The following MAP3K5 variants were observed in gnomAD, a reference collection of about 807,000 sequenced individuals.
The protein encoded by MAP3K5 is ASK-1.
A neutral mutation model predicts 158.7 loss-of-function variants in MAP3K5; 56 were observed. The ratio of observed to expected loss-of-function variants is 0.35; its 90% CI spans 0.28 to 0.44. The LOEUF (loss-of-function observed/expected upper bound fraction) is 0.44, where lower values mean the gene tolerates loss of function less well. Ranked by LOEUF, MAP3K5 falls within the 20% of genes least tolerant of loss-of-function variation. The probability of loss-of-function intolerance (pLI) is 1.00; values close to 1 mark genes in which losing one functional copy is unlikely to be tolerated. For missense variants in MAP3K5, 1,294 were observed against 1,674.8 expected (o/e 0.77, Z 3.97); for synonymous variants, 579 against 601.7 (o/e 0.96, Z 0.55).
chr6:136,629,139 G>A (rs1777186750), intron 14 of MAP3K5: 1 of 152,176 alleles, frequency 6.6e-6, no homozygotes, highest in Non-Finnish European at 1.5e-5. Flanking sequence ...ACTGGTAGCG[G>A]GAAGAGAATC....
At chr6:136,759,761 ATTT>A (rs11317822) in intron 1 of MAP3K5, among the ~76,000 whole-genome samples, 57 of 99,884 alleles carry the variant, frequency 5.7e-4, no homozygotes, top group East Asian at 2.1e-3. Flanking sequence ...CCAGCCCTCT[ATTT>A]TTTTTTTTTT....
At chr6:136,784,098 A>T (rs1784737902) in intron 1 of MAP3K5, among the ~76,000 whole-genome samples, 2 of 152,204 alleles carry the variant, frequency 1.3e-5, no homozygotes, top group African/African-American at 4.8e-5. Flanking sequence ...GGGTGAGACA[A>T]GCCTGTGTTA....
At chr6:136,691,390 C>A (rs1013775271) in intron 7 of MAP3K5, among the ~76,000 whole-genome samples, 6 of 152,160 alleles carry the variant, frequency 3.9e-5, no homozygotes, top group Non-Finnish European at 7.4e-5. Context: ...GCAGGTGGAT[C>A]ACTTGAGGTC....
At chr6:136,580,027 C>A (rs899955553) in intron 25 of MAP3K5, among the ~76,000 whole-genome samples, 2 of 152,132 alleles carry the variant, frequency 1.3e-5, no homozygotes, top group Non-Finnish European at 2.9e-5. Context: ...TTTTGAAATG[C>A]GTATTTATCT....
At position 136,746,289 on chromosome 6, in the gene MAP3K5, G is replaced by GT. The variant is rs1450441987; in HGVS notation, c.449-25701_449-25700insA. Among the ~76,000 whole-genome samples the GT allele has an allele frequency of 3.3e-5, 5 of 151,394 alleles. 1 individual carries two copies. The highest frequency in any genetic ancestry group is 1.2e-4 in the African/African-American group (5 of 41,348). On this transcript the variant is annotated intron_variant, in intron 1 of 29. Coordinates refer to ENST00000359015, the MANE Select transcript of MAP3K5 (RefSeq NM_005923.4). Reference sequence around the variant, plus strand: ...GAAATAAATTTCATAAAATTTTGAGGGGGGGGCAGGAAAATACAAATACGT... The same window carrying GT: ...GAAATAAATTTCATAAAATTTTGAGGTGGGGGGCAGGAAAATACAAATACGT...
chr6:136,792,253 AGCAGCTGCCATCGCGC>A lies in MAP3K5; in HGVS notation c.-112_-97del. 8.1e-7 allele frequency: 1 copy of A among 1,234,512 alleles called. No homozygotes were observed. Among genetic ancestry groups the A allele is most frequent in the Non-Finnish European group, 1.0e-6 (1 of 993,156 alleles). The allele number at this position is 1,234,512 out of a possible 1,614,324, so 76.5% of individuals were successfully genotyped here. On this transcript the variant is annotated 5_prime_UTR_variant, in exon 1 of 30. An upstream start codon of the reference 5' UTR is lost. Coordinates refer to ENST00000359015, the MANE Select transcript of MAP3K5 (RefSeq NM_005923.4). This position sits in a 1 kb window ranked among gnomAD's most constrained non-coding sequence, Gnocchi z 5.7. ...GGGCTGCTCCGCGCCCGCCGGGCTAAGCAGCTGCCATCGCGCGCCGCGCCCTCGCCGCCGCGCCGCC... is the reference window on the plus strand; with the variant it reads ...GGGCTGCTCCGCGCCCGCCGGGCTAAGCCGCGCCCTCGCCGCCGCGCCGCC...
At chr6:136,577,824 A>G (rs1457714168) in intron 25 of MAP3K5, among the ~76,000 whole-genome samples, 2 of 152,236 alleles carry the variant, frequency 1.3e-5, no homozygotes, top group Non-Finnish European at 2.9e-5. Context: ...TTAAATTAAC[A>G]TTGGTATAAA....
Position 136,697,384 on chromosome 6 carries a change from C to A in MAP3K5, c.810G>T (p.Gln270His). Residue 270 changes from glutamine (Q) to histidine (H), a missense_variant, in exon 5 of 30, where the codon CAG (glutamine) becomes CAT (histidine). Gln to His is a conservative substitution (Grantham distance 24). Transcript: ENST00000359015. ...LLKVAQASSS[Q>H]YFRESILNDI... ...CATTGAGTATAGATTCCCGGAAGTA[C>A]TGGCTGGTAAAAACACACACATTTC... 6.3e-7 allele frequency: 1 copy of A among 1,599,048 alleles called. No homozygotes were observed. Among genetic ancestry groups the A allele is most frequent in the Non-Finnish European group, 8.5e-7 (1 of 1,171,468 alleles).
In MAP3K5 at chr6:136,692,767, C is replaced by A. The variant is rs555747876; in HGVS notation, c.1253+1373G>T. ...TAAGAAATCTTTGCCCCAGTCAGGGCAACATGGTGAAACCCTCTCTCTACC... is the reference window on the plus strand; with the variant it reads ...TAAGAAATCTTTGCCCCAGTCAGGGAAACATGGTGAAACCCTCTCTCTACC... On this transcript the variant is annotated intron_variant, in intron 7 of 29. Coordinates refer to ENST00000359015, the MANE Select transcript of MAP3K5 (RefSeq NM_005923.4). 3.6e-4 allele frequency among the ~76,000 whole-genome samples: 55 copies of A among 152,238 alleles called. 1 individual carries two copies. The South Asian group carries it at 4.6e-3, about 13-fold the overall frequency.
At chr6:136,717,881 G>T (rs1257138599) in intron 2 of MAP3K5, among the ~76,000 whole-genome samples, 1 of 152,144 alleles carries the variant, frequency 6.6e-6, no homozygotes, top group Non-Finnish European at 1.5e-5. Flanking sequence ...AACAGCAAAA[G>T]TTTAAGTTAA....
rs1023048753 is a variant in MAP3K5, at chr6:136,607,020, A to T, written c.2522-1654T>A. Among the ~76,000 whole-genome samples, 4 of 152,244 alleles carry T rather than the reference A, an allele frequency of 2.6e-5. No individual in the cohort carries two copies. The East Asian group carries it at 7.7e-4, about 29-fold the overall frequency. The stretch of plus-strand genomic sequence containing the variant: ...CATACAACTGCACATGTCTGCTCTC[A>T]GAAAGCCTTTCACCTGGCCAAAGAC... On this transcript the variant is annotated intron_variant, in intron 18 of 29. Coordinates refer to ENST00000359015, the MANE Select transcript of MAP3K5 (RefSeq NM_005923.4).
intron 25 of MAP3K5, among the ~76,000 whole-genome samples, chr6:136,576,806 T>A (rs558963462): frequency 6.6e-6 from 1 of 152,150 alleles, no homozygotes; most frequent in Non-Finnish European, 1.5e-5. Flanking sequence ...ATTACAGTGG[T>A]CCCATAAGAT....
At chr6:136,595,092 G>A (rs958250375) in intron 21 of MAP3K5, among the ~76,000 whole-genome samples, 1 of 152,176 alleles carries the variant, frequency 6.6e-6, no homozygotes, top group Non-Finnish European at 1.5e-5. Context: ...TGTTCTATGT[G>A]CAGAGCCCTG....
intron 7 of MAP3K5, among the ~76,000 whole-genome samples, chr6:136,674,101 T>C (rs1239557855): frequency 6.6e-6 from 1 of 151,582 alleles, no homozygotes; most frequent in Non-Finnish European, 1.5e-5. Flanking sequence ...GAATACAACG[T>C]AGTGACATCT....
At chr6:136,678,609 C>A (rs1779802111) in intron 7 of MAP3K5, among the ~76,000 whole-genome samples, 1 of 151,814 alleles carries the variant, frequency 6.6e-6, no homozygotes, top group South Asian at 2.1e-4. Context: ...GAGAACTATA[C>A]ATTTACATAT....
intron 1 of MAP3K5, among the ~76,000 whole-genome samples, chr6:136,787,098 C>T (rs1784883086): frequency 6.6e-6 from 1 of 152,096 alleles, no homozygotes; most frequent in Admixed American, 6.5e-5. Context: ...TGTGGTGGCT[C>T]ACACCTGTAA....
chr6:136,656,885 G>A (rs1335709760), intron 9 of MAP3K5, among the ~76,000 whole-genome samples: 5 of 152,154 alleles, frequency 3.3e-5, no homozygotes, highest in Non-Finnish European at 5.9e-5. Context: ...GCCTCCCAAC[G>A]TGCTGGGATT....
intron 2 of MAP3K5, among the ~76,000 whole-genome samples, chr6:136,713,545 T>C (rs1435089547): frequency 2.0e-5 from 3 of 152,218 alleles, no homozygotes; most frequent in Non-Finnish European, 1.5e-5. Context: ...AAATCATTCA[T>C]CTAGCTTGTC....
At chr6:136,571,186 A>T (rs1774347449) in intron 25 of MAP3K5, among the ~76,000 whole-genome samples, 1 of 152,198 alleles carries the variant, frequency 6.6e-6, no homozygotes, top group Admixed American at 6.5e-5. Context: ...ATGGCTACCC[A>T]ATTTCAAGTC....
Sources: gnomAD v4.1 joint callset for allele counts (sites outside exome capture counted in the v4.1 genomes callset) on GRCh38, gnomAD v4.1.1 for gene constraint, Gnocchi (gnomAD v3.1) non-coding constraint, MANE v1.5 for transcripts, NCBI Gene and HGNC (gene_info 2026-07-23, HGNC 2026-07-21) for gene names.